Variants in NXPH1 observed in about 807,000 individuals in gnomAD.
The protein encoded by NXPH1 is neurexophilin-1.
In NXPH1, 5 loss-of-function variants were observed where a neutral mutation model predicts 23.7. That is an observed-to-expected ratio of 0.21 (90% CI 0.11 to 0.44). NXPH1 has a LOEUF of 0.44. Among genes scored for constraint, NXPH1 ranks in the 20% least tolerant of loss-of-function variants. The pLI is 0.99. For missense variants in NXPH1, 324 were observed against 321.6 expected (o/e 1.01, Z -0.06); for synonymous variants, 144 against 122.2 (o/e 1.18, Z -1.18).
chr7:8,499,545 C>A (rs1353996384), intron 2 of NXPH1, among the ~76,000 whole-genome samples: 3 of 152,042 alleles, frequency 2.0e-5, no homozygotes, highest in Non-Finnish European at 4.4e-5. Flanking sequence ...TATTGAGCTA[C>A]AAAAACAGAC....
chr7:8,741,603 G>A (rs1031931077), intron 2 of NXPH1, among the ~76,000 whole-genome samples: 30 of 152,108 alleles, frequency 2.0e-4, no homozygotes, highest in Non-Finnish European at 3.7e-4. Flanking sequence ...ATGCTGACAG[G>A]TGTGAGGTGA....
At chr7:8,539,953 C>G (rs893087907) in intron 2 of NXPH1, among the ~76,000 whole-genome samples, 27 of 151,706 alleles carry the variant, frequency 1.8e-4, no homozygotes, top group African/African-American at 5.6e-4. Flanking sequence ...ATGTGCAAGA[C>G]AGTAAACCTT....
intron 2 of NXPH1, among the ~76,000 whole-genome samples, chr7:8,453,083 T>C (rs1816534284): frequency 6.6e-6 from 1 of 152,106 alleles, no homozygotes. Flanking sequence ...ACTAAAATGG[T>C]CTAAAAGACA....
At chr7:8,710,195 A>G (rs893460402) in intron 2 of NXPH1, among the ~76,000 whole-genome samples, 1 of 152,144 alleles carries the variant, frequency 6.6e-6, no homozygotes, top group African/African-American at 2.4e-5. Flanking sequence ...TTAGAAGAGG[A>G]GGGGTCCTGC....
At chr7:8,571,891 A>G (rs568299197) in intron 2 of NXPH1, among the ~76,000 whole-genome samples, 1 of 151,896 alleles carries the variant, frequency 6.6e-6, no homozygotes, top group Non-Finnish European at 1.5e-5. Context: ...TAAAAAAAAA[A>G]AAAAACACTT....
intron 2 of NXPH1, among the ~76,000 whole-genome samples, chr7:8,710,128 A>T (rs1779763901): frequency 6.6e-6 from 1 of 152,236 alleles, no homozygotes; most frequent in African/African-American, 2.4e-5. Context: ...GTTCTTAAGC[A>T]TCAGAATTGG....
chr7:8,720,301 C>G (rs947857487), intron 2 of NXPH1, among the ~76,000 whole-genome samples: 1 of 152,114 alleles, frequency 6.6e-6, no homozygotes, highest in Non-Finnish European at 1.5e-5. Flanking sequence ...GATAAGAATT[C>G]GAATGCTGTT....
At chr7:8,630,168 G>T (rs1175555494) in intron 2 of NXPH1, among the ~76,000 whole-genome samples, 1 of 152,012 alleles carries the variant, frequency 6.6e-6, no homozygotes, top group East Asian at 1.9e-4. Context: ...GCCATCAGAG[G>T]GTGACATTCT....
chr7:8,501,504 T>C lies in NXPH1; in HGVS notation c.54+65737T>C, dbSNP rs377069217. On this transcript the variant is annotated intron_variant, in intron 2 of 2. Transcript: ENST00000405863. Reference sequence around the variant, plus strand: ...GAACAGAATTATGTAAAAAATTTCATAGTGATTCTGATGAACCACTTTCCC... The same window carrying C: ...GAACAGAATTATGTAAAAAATTTCACAGTGATTCTGATGAACCACTTTCCC... Among the ~76,000 whole-genome samples, 5 of 152,194 alleles carry C rather than the reference T, an allele frequency of 3.3e-5. No homozygotes were observed. In the East Asian group the frequency reaches 5.8e-4, roughly 18 times the overall value.
chr7:8,448,303 G>T (rs912617045), intron 2 of NXPH1, among the ~76,000 whole-genome samples: 1 of 152,160 alleles, frequency 6.6e-6, no homozygotes, highest in Admixed American at 6.5e-5. Context: ...AAAGAAAAAA[G>T]TCTTGCTAAC....
intron 2 of NXPH1, among the ~76,000 whole-genome samples, chr7:8,467,268 C>A (rs1191993147): frequency 6.6e-6 from 1 of 152,050 alleles, no homozygotes; most frequent in Non-Finnish European, 1.5e-5. Context: ...TTTTATAGAT[C>A]TATGAAAGGG....
intron 2 of NXPH1, among the ~76,000 whole-genome samples, chr7:8,654,424 C>G (rs34403051): frequency 2.0e-5 from 3 of 151,262 alleles, no homozygotes; most frequent in Non-Finnish European, 4.4e-5. Flanking sequence ...CTTATTCTTA[C>G]TCTGAATTTT....
At chr7:8,653,382 T>C (rs1820521169) in intron 2 of NXPH1, among the ~76,000 whole-genome samples, 1 of 152,190 alleles carries the variant, frequency 6.6e-6, no homozygotes, top group South Asian at 2.1e-4. Context: ...TGTGTGGCAT[T>C]GCTCCATATC....
chr7:8,726,559 C>T (rs1402148179), intron 2 of NXPH1, among the ~76,000 whole-genome samples: 1 of 143,574 alleles, frequency 7.0e-6, no homozygotes, highest in African/African-American at 2.6e-5. Context: ...TTGTTCAATT[C>T]CCACCTATGA....
At chr7:8,745,445 G>C (rs1780450683) in intron 2 of NXPH1, among the ~76,000 whole-genome samples, 1 of 151,042 alleles carries the variant, frequency 6.6e-6, no homozygotes, top group South Asian at 2.1e-4. Context: ...TGGGGGGTGG[G>C]GGTGGGTGGA....
At chr7:8,507,835 C>T (rs1817555041) in intron 2 of NXPH1, among the ~76,000 whole-genome samples, 1 of 152,118 alleles carries the variant, frequency 6.6e-6, no homozygotes, top group Non-Finnish European at 1.5e-5. Context: ...GCATAAATTG[C>T]TACCTGCCTT....
At chr7:8,614,025 G>A (rs1178564710) in intron 2 of NXPH1, among the ~76,000 whole-genome samples, 2 of 151,740 alleles carry the variant, frequency 1.3e-5, no homozygotes, top group African/African-American at 2.4e-5. Flanking sequence ...AAAAGTGAGA[G>A]TATACTAAGT....
At chr7:8,648,283 T>A (rs1820428077) in intron 2 of NXPH1, among the ~76,000 whole-genome samples, 1 of 152,160 alleles carries the variant, frequency 6.6e-6, no homozygotes, top group African/African-American at 2.4e-5. Context: ...CTTGTAGCCA[T>A]TAACCACTCC....
At chr7:8,696,461 A>C (rs1026386567) in intron 2 of NXPH1, among the ~76,000 whole-genome samples, 1 of 152,230 alleles carries the variant, frequency 6.6e-6, no homozygotes, top group African/African-American at 2.4e-5. Context: ...ATGAAAATAA[A>C]GCAAGATATT....
Sources: gnomAD v4.1 joint callset for allele counts (sites outside exome capture counted in the v4.1 genomes callset) on GRCh38, gnomAD v4.1.1 for gene constraint, MANE v1.5 for transcripts, NCBI Gene and HGNC (gene_info 2026-07-23, HGNC 2026-07-21) for gene names.